LPP: variants seen among roughly 807,000 people sequenced by gnomAD.
The protein encoded by LPP is LIM domain containing preferred translocation partner in lipoma, also known as lipoma-preferred partner.
A neutral mutation model predicts 60.4 loss-of-function variants in LPP; 38 were observed. The observed-to-expected ratio is 0.63, with a 90% confidence interval of 0.49 to 0.83. The LOEUF (loss-of-function observed/expected upper bound fraction) is 0.83. Ranked by LOEUF, LPP falls within the 40% of genes least tolerant of loss-of-function variation. The pLI is 0.00. For missense variants in LPP, 902 were observed against 783.6 expected, an observed-to-expected ratio of 1.15 and a Z score of -1.80; for synonymous variants, 328 against 290.8, an observed-to-expected ratio of 1.13 and a Z score of -1.30.
chr3:188,601,565 T>G (rs1373335338), intron 6 of LPP, among the ~76,000 whole-genome samples: 1 of 152,134 alleles, frequency 6.6e-6, no homozygotes, highest in Admixed American at 6.6e-5. Flanking sequence ...CAAGTGGGAT[T>G]TCCTGTTCGG....
chr3:188,176,322 T>A (rs551638148), intron 1 of LPP, among the ~76,000 whole-genome samples: 107 of 152,084 alleles, frequency 7.0e-4, no homozygotes, highest in Middle Eastern at 3.4e-3. Context: ...GTAAAAAAAA[T>A]AAATAAATAA....
intron 9 of LPP, among the ~76,000 whole-genome samples, chr3:188,860,167 T>C (rs1013680688): frequency 1.6e-4 from 24 of 151,946 alleles, no homozygotes; most frequent in African/African-American, 4.4e-4. Context: ...TAAAATGATA[T>C]CTTCACTTGC....
At chr3:188,560,016 C>G (rs1357958623) in intron 6 of LPP, among the ~76,000 whole-genome samples, 1 of 152,074 alleles carries the variant, frequency 6.6e-6, no homozygotes, top group African/African-American at 2.4e-5. Context: ...CATCTGGGGC[C>G]TCAATTCTGG....
At position 188,760,108 on chromosome 3, in the gene LPP, T is replaced by TC; in HGVS notation, c.1241-3dup. The TC allele has an allele frequency of 6.2e-7, 1 of 1,613,728 alleles. No individual in the cohort carries two copies. The highest frequency in any genetic ancestry group is 8.5e-7 in the Non-Finnish European group (1 of 1,179,930). On this transcript the variant is annotated splice_region_variant and splice_polypyrimidine_tract_variant and intron_variant, in intron 8 of 11. Transcript: ENST00000617246. Reference sequence around the variant, plus strand: ...TGTGTTCTTATCAAACCCTTTTTTTTCCAGGCCGCTGTGCTCGCTGTGGAG... The same window carrying TC: ...TGTGTTCTTATCAAACCCTTTTTTTTCCCAGGCCGCTGTGCTCGCTGTGGAG...
intron 7 of LPP, among the ~76,000 whole-genome samples, chr3:188,613,212 G>A (rs945241263): frequency 9.3e-5 from 13 of 139,348 alleles, no homozygotes; most frequent in African/African-American, 3.0e-4. Context: ...ATCTTGCCAT[G>A]TAGTTCACAG....
At chr3:188,395,280 A>G (rs1780648313) in intron 3 of LPP, among the ~76,000 whole-genome samples, 2 of 152,140 alleles carry the variant, frequency 1.3e-5, no homozygotes, top group African/African-American at 4.8e-5. Flanking sequence ...GTGCAGTGGC[A>G]TGATCGTGGC....
intron 5 of LPP, among the ~76,000 whole-genome samples, chr3:188,486,189 G>A (rs911124884): frequency 8.6e-5 from 13 of 151,944 alleles, no homozygotes; most frequent in Admixed American, 8.5e-4. Context: ...AAAGTCTTAG[G>A]GAACAACTGC....
intron 1 of LPP, among the ~76,000 whole-genome samples, chr3:188,158,677 G>C (rs1391631698): frequency 1.3e-5 from 2 of 152,132 alleles, no homozygotes; most frequent in African/African-American, 4.8e-5. Context: ...ATTCATTAAA[G>C]TAGGTTTTTT....
At chr3:188,188,721 A>G (rs1300489399) in intron 1 of LPP, among the ~76,000 whole-genome samples, 2 of 152,194 alleles carry the variant, frequency 1.3e-5, no homozygotes, top group Non-Finnish European at 1.5e-5. Flanking sequence ...GAAGAAATAC[A>G]TAGTGATGGG....
intron 4 of LPP, among the ~76,000 whole-genome samples, chr3:188,460,240 A>G (rs1291879521): frequency 6.6e-6 from 1 of 152,188 alleles, no homozygotes. Flanking sequence ...ATTGGAGTGC[A>G]GATATCAAGA....
chr3:188,879,381 A>AT lies in LPP; in HGVS notation c.*4904dup, dbSNP rs1007326653. On this transcript the variant is annotated 3_prime_UTR_variant, in exon 12 of 12. Transcript: ENST00000617246. ...AATCAATGCATTATGATTTTAGGGAATTATGATTATATTCATAAGGGGAAG... is the reference window on the plus strand; with the variant it reads ...AATCAATGCATTATGATTTTAGGGAATTTATGATTATATTCATAAGGGGAAG... 8.3e-4 allele frequency: 181 copies of AT among 217,076 alleles called. 1 individual carries two copies. The highest frequency in any genetic ancestry group is 4.0e-3 in the African/African-American group (177 of 44,618). 13.4% of individuals were successfully genotyped at this position (217,076 alleles called of 1,614,324 possible). A position where few individuals can be genotyped will look rare whatever the true frequency, so the allele number is the denominator to read the frequency against.
intron 9 of LPP, among the ~76,000 whole-genome samples, chr3:188,834,336 T>G (rs969607841): frequency 2.1e-5 from 3 of 146,310 alleles, no homozygotes; most frequent in African/African-American, 7.5e-5. Flanking sequence ...TTTTTTTTTT[T>G]TTTTTTTTTT....
At chr3:188,207,876 T>C (rs577284933) in intron 1 of LPP, among the ~76,000 whole-genome samples, 2 of 152,300 alleles carry the variant, frequency 1.3e-5, no homozygotes, top group African/African-American at 2.4e-5. Flanking sequence ...GCAGAACTCA[T>C]AGAGTTTACA....
At chr3:188,254,417 G>A (rs1730961157) in intron 2 of LPP, among the ~76,000 whole-genome samples, 1 of 152,124 alleles carries the variant, frequency 6.6e-6, no homozygotes, top group South Asian at 2.1e-4. Flanking sequence ...CAGCAAATCA[G>A]GGTTTCTGTG....
intron 3 of LPP, among the ~76,000 whole-genome samples, chr3:188,368,145 G>T (rs1210182693): frequency 6.6e-6 from 1 of 152,158 alleles, no homozygotes; most frequent in Non-Finnish European, 1.5e-5. Flanking sequence ...AGAAGACAGT[G>T]TTATACCGGC....
intron 9 of LPP, among the ~76,000 whole-genome samples, chr3:188,772,183 T>C (rs1736248260): frequency 6.6e-6 from 1 of 152,244 alleles, no homozygotes; most frequent in South Asian, 2.1e-4. Context: ...ACATTCTTTT[T>C]ACAACACTTG....
chr3:188,265,966 A>G (rs1485029732), intron 2 of LPP, among the ~76,000 whole-genome samples: 1 of 150,696 alleles, frequency 6.6e-6, no homozygotes, highest in East Asian at 2.0e-4. Context: ...GGCAACCTTA[A>G]CTCTGGGGAG....
chr3:188,462,180 T>C (rs1007439854), intron 4 of LPP, among the ~76,000 whole-genome samples: 1 of 152,056 alleles, frequency 6.6e-6, no homozygotes, highest in Non-Finnish European at 1.5e-5. Flanking sequence ...CTGTGCTAAA[T>C]TCTCCTTAAG....
intron 7 of LPP, among the ~76,000 whole-genome samples, chr3:188,655,372 A>G (rs536171346): frequency 1.7e-4 from 26 of 152,330 alleles, no homozygotes; most frequent in South Asian, 8.3e-4. Flanking sequence ...AAAAAAAAGT[A>G]GAATTATCCT....
Sources: gnomAD v4.1 joint callset for allele counts (sites outside exome capture counted in the v4.1 genomes callset) on GRCh38, gnomAD v4.1.1 for gene constraint, MANE v1.5 for transcripts, NCBI Gene and HGNC (gene_info 2026-07-23, HGNC 2026-07-21) for gene names.